The following THOC2 variants were observed in gnomAD, a reference collection of about 807,000 sequenced individuals.
THOC2 encodes THO complex subunit 2, also known as THO complex 2.
In THOC2, 10 loss-of-function variants were observed where a neutral mutation model predicts 128.4. That is an observed-to-expected ratio of 0.08 (90% CI 0.05 to 0.13). THOC2 has a LOEUF of 0.13. Among genes scored for constraint, THOC2 ranks in the 10% least tolerant of loss-of-function variants. THOC2 has a pLI of 1.00. For missense variants in THOC2, 535 were observed against 1,155.7 expected (o/e 0.46, Z 7.79); for synonymous variants, 393 against 396.9 (o/e 0.99, Z 0.12).
intron 15 of THOC2, among the ~76,000 whole-genome samples, chrX:123,643,839 C>T (rs921586785): frequency 1.8e-5 from 2 of 110,863 alleles, no homozygotes; most frequent in African/African-American, 6.6e-5. Context: ...ATTTAACAGA[C>T]ATTACACACT....
In THOC2 at chrX:123,732,845, G is replaced by T. The variant is rs752615608; in HGVS notation, c.71+107C>A. On this transcript the variant is annotated intron_variant, in intron 1 of 38. Coordinates refer to ENST00000245838, the MANE Select transcript of THOC2 (RefSeq NM_001081550.2). ...GACCATCCACGCCCGCCGCCCGGGT[G>T]GGGGAGGGGGTACATCTTTCCCCCT... 5 of 878,951 alleles carry T rather than the reference G, an allele frequency of 5.7e-6. No individual in the cohort carries two copies. In the African/African-American group the frequency reaches 5.9e-5, roughly 10 times the overall value. The allele number at this position is 878,951 out of a possible 1,213,427, so 72.4% of individuals were successfully genotyped here.
rs915718638 is a variant in THOC2, at chrX:123,664,227, A to G, written c.1386+1415T>C. 6.9e-4 allele frequency among the ~76,000 whole-genome samples: 78 copies of G among 112,404 alleles called. 1 individual carries two copies. Among genetic ancestry groups the G allele is most frequent in the African/African-American group, 2.5e-3 (77 of 30,977 alleles). On this transcript the variant is annotated intron_variant, in intron 12 of 38. Transcript: ENST00000245838. ...CCACAAAGATGGATTAAAGACTTAA[A>G]TGTTAGTCCTAAAACCATAAAAACC...
intron 22 of THOC2, 62 bp from the exon 23 acceptor site, chrX:123,628,030 C>T: frequency 2.2e-6 from 2 of 907,132 alleles, no homozygotes; most frequent in East Asian, 3.1e-5. Context: ...ATAGCTTTGA[C>T]TTTCATGGCA....
intron 12 of THOC2, among the ~76,000 whole-genome samples, chrX:123,663,718 C>T (rs2048936336): frequency 9.2e-6 from 1 of 109,081 alleles, no homozygotes; most frequent in Admixed American, 9.8e-5. Context: ...TGTGCTGCAC[C>T]CATTAACTAG....
intron 8 of THOC2, among the ~76,000 whole-genome samples, chrX:123,679,578 A>G (rs1419164005): frequency 1.8e-5 from 2 of 111,704 alleles, no homozygotes; most frequent in Admixed American, 9.5e-5. Flanking sequence ...TGATGCCCAC[A>G]CTTCTATTTC....
At chrX:123,620,615 C>A (rs2047049025) in intron 32 of THOC2, 1 of 244,826 alleles carries the variant, frequency 4.1e-6, no homozygotes, top group South Asian at 2.1e-4. Context: ...CCATTGCACT[C>A]CAAAAAAGAC....
At chrX:123,670,785 A>G (rs1327761413) in intron 9 of THOC2, among the ~76,000 whole-genome samples, 2 of 112,455 alleles carry the variant, frequency 1.8e-5, no homozygotes, top group African/African-American at 6.5e-5. Context: ...GTCACTATCT[A>G]TTCTGAGCTT....
chrX:123,686,685 A>G lies in THOC2; in HGVS notation c.631T>C (p.Leu211=), dbSNP rs764547255. 1 of 1,199,740 alleles carries G rather than the reference A, an allele frequency of 8.3e-7. No individual in the cohort carries two copies. Residue 211 remains leucine (L), a synonymous_variant, in exon 8 of 39, where the codon TTG becomes CTG. Coordinates refer to ENST00000245838, the MANE Select transcript of THOC2 (RefSeq NM_001081550.2). ...GCFNLDPNRV[L]DVILEVFECR... is the part of the protein sequence containing the mutation. ...TCAAACACTTCTAAAATGACATCCA[A>G]AACTCTATTGGGATCCAGATTAAAG... is the stretch of plus-strand genomic sequence containing the variant.
intron 7 of THOC2, among the ~76,000 whole-genome samples, chrX:123,692,984 C>G (rs948481522): frequency 1.8e-5 from 2 of 111,365 alleles, no homozygotes; most frequent in Admixed American, 1.9e-4. Flanking sequence ...TGGGAATAAA[C>G]ACAGAGAAAC....
chrX:123,690,055 C>T (rs1264778395), intron 7 of THOC2, among the ~76,000 whole-genome samples: 1 of 110,886 alleles, frequency 9.0e-6, no homozygotes, highest in African/African-American at 3.3e-5. Context: ...CACACATATG[C>T]CTTTATGCCT....
At chrX:123,635,343 A>C (rs752634518) in intron 19 of THOC2, among the ~76,000 whole-genome samples, 53 of 112,016 alleles carry the variant, frequency 4.7e-4, no homozygotes, top group African/African-American at 1.6e-3. Flanking sequence ...TCATAAGTTT[A>C]AAGTTTTTTT....
At chrX:123,713,856 G>GA (rs1180240839) in intron 1 of THOC2, among the ~76,000 whole-genome samples, 9 of 108,543 alleles carry the variant, frequency 8.3e-5, no homozygotes, top group African/African-American at 3.0e-4. Context: ...AAAAAAAAAG[G>GA]AAAAAAGAAA....
intron 20 of THOC2, 35 bp from the exon 21 acceptor site, chrX:123,633,075 A>C (rs755422559): frequency 9.2e-7 from 1 of 1,085,328 alleles, no homozygotes; most frequent in Non-Finnish European, 1.3e-6. Flanking sequence ...ACCAGTGTAC[A>C]GTACATAACC....
intron 11 of THOC2, among the ~76,000 whole-genome samples, chrX:123,666,784 C>A (rs1158449160): frequency 9.0e-6 from 1 of 111,322 alleles, no homozygotes; most frequent in Non-Finnish European, 1.9e-5. Flanking sequence ...AATTCTTTGC[C>A]CCTCCCACCC....
intron 22 of THOC2, among the ~76,000 whole-genome samples, chrX:123,629,206 A>AACACACACACAC (rs754562050): frequency 0.016 from 1,300 of 81,927 alleles, 27 homozygotes; most frequent in East Asian, 0.11. Context: ...ATTATACATG[A>AACACACACACAC]ACACACACAC....
intron 7 of THOC2, among the ~76,000 whole-genome samples, chrX:123,687,631 AGAT>A (rs1321597305): frequency 2.7e-5 from 3 of 111,977 alleles, no homozygotes; most frequent in African/African-American, 9.7e-5. Context: ...CCCTTTGGTA[AGAT>A]GATATCTCCA....
intron 12 of THOC2, among the ~76,000 whole-genome samples, chrX:123,659,347 C>T (rs144918374): frequency 8.9e-6 from 1 of 111,917 alleles, no homozygotes; most frequent in Non-Finnish European, 1.9e-5. Flanking sequence ...CCGAGGCGGG[C>T]GGATCACAAG....
intron 9 of THOC2, 135 bp downstream of exon 9, chrX:123,671,534 T>C (rs1170848068): frequency 8.9e-6 from 3 of 336,395 alleles, no homozygotes; most frequent in Non-Finnish European, 1.6e-5. Context: ...AAATCAACAA[T>C]GTATTGGGGC....
chrX:123,640,550 A>T lies in THOC2; in HGVS notation c.1734T>A (p.Ile578=). ...IGKLSHSNPT[I]LFDYILSQIQ... The stretch of plus-strand genomic sequence containing the variant: ...CCTCAAAACATACATAATCAAACAA[A>T]ATGGTTGGATTGCTGTGGCTCAACT... Residue 578 remains isoleucine (I), a synonymous_variant, in exon 16 of 39, where the codon ATT becomes ATA. Transcript: ENST00000245838. 4.2e-6 allele frequency: 5 copies of T among 1,186,911 alleles called. No homozygotes were observed. Among genetic ancestry groups the T allele is most frequent in the Non-Finnish European group, 5.7e-6 (5 of 881,995 alleles).
Sources: gnomAD v4.1 joint callset for allele counts (sites outside exome capture counted in the v4.1 genomes callset) on GRCh38, gnomAD v4.1.1 for gene constraint, MANE v1.5 for transcripts, NCBI Gene and HGNC (gene_info 2026-07-23, HGNC 2026-07-21) for gene names.